SERPINA4: variants seen among roughly 807,000 people sequenced by gnomAD.
SERPINA4 encodes the protein kallistatin.
SERPINA4 carries 24 observed loss-of-function variants against 25.4 expected under a neutral mutation model. The observed-to-expected ratio is 0.95, with a 90% confidence interval of 0.69 to 1.33. SERPINA4 has a LOEUF of 1.33. Ranked by LOEUF, SERPINA4 falls within the 40% of genes most tolerant of loss-of-function variation. The probability of loss-of-function intolerance (pLI) is 0.00; values close to 1 mark genes in which losing one functional copy is unlikely to be tolerated. For missense variants in SERPINA4, 553 were observed against 535.8 expected (o/e 1.03, Z -0.32); for synonymous variants, 242 against 223.6 (o/e 1.08, Z -0.73).
In SERPINA4 at chr14:94,568,401, G is replaced by T. The variant is rs1902287816; in HGVS notation, c.1083+113G>T. 3 of 1,132,150 alleles carry T rather than the reference G, an allele frequency of 2.6e-6. No individual in the cohort carries two copies. In the Admixed American group the frequency reaches 6.8e-5, roughly 26 times the overall value. The allele number at this position is 1,132,150 out of a possible 1,614,324, so 70.1% of individuals were successfully genotyped here. A position where few individuals can be genotyped will look rare whatever the true frequency, so the allele number is the denominator to read the frequency against. ...ACATGGAGTCTCAGAGCCTGAGTGT[G>T]TTCAGTCATCTACAGGCATCAGCAT... On this transcript the variant is annotated intron_variant, in intron 4 of 4. Transcript: ENST00000557004.
At chr14:94,565,586 A>C (rs781387087) in intron 2 of SERPINA4, among the ~76,000 whole-genome samples, 3 of 152,072 alleles carry the variant, frequency 2.0e-5, no homozygotes, top group Non-Finnish European at 4.4e-5. Flanking sequence ...AGTGGCTCAC[A>C]CCTGTAATTC....
Position 94,568,279 on chromosome 14 carries a change from G to A in SERPINA4, c.1074G>A (p.Glu358=), listed in dbSNP as rs370918987. 5.6e-6 allele frequency: 9 copies of A among 1,614,176 alleles called. No homozygotes were observed. The East Asian group carries it at 8.9e-5, about 16-fold the overall frequency. Reference sequence around the variant, plus strand: ...GCATCACCAAACAGCAAAAACTGGAGGCATCCAAAGTAAGTCGTCAACAGT... The same window carrying A: ...GCATCACCAAACAGCAAAAACTGGAAGCATCCAAAGTAAGTCGTCAACAGT... ...LSGITKQQKL[E]ASKSFHKATL... The change falls in exon 4 of 5, where the codon GAG becomes GAA. Residue 358 remains glutamate, a synonymous_variant. Transcript: ENST00000557004.
At chr14:94,563,150 C>A (rs188241793) in intron 1 of SERPINA4, among the ~76,000 whole-genome samples, 1 of 152,252 alleles carries the variant, frequency 6.6e-6, no homozygotes, top group Non-Finnish European at 1.5e-5. Context: ...GGGTGAGTCA[C>A]TTTGGGAGTC....
Position 94,563,778 on chromosome 14 carries a change from G to T in SERPINA4, c.296G>T (p.Ser99Ile), listed in dbSNP as rs1344873980. ...LSLGACSHSR[S>I]QILEGLGFNL... ...CTGGGGGCCTGCTCACACAGCCGCA[G>T]CCAGATCCTTGAGGGCCTGGGCTTC... The change falls in exon 2 of 5, where the codon AGC (serine) becomes ATC (isoleucine). Residue 99 changes from serine (S) to isoleucine (I), a missense_variant. Ser to Ile is a moderately radical substitution (Grantham distance 142). Coordinates refer to ENST00000557004, the MANE Select transcript of SERPINA4 (RefSeq NM_006215.4). 6.2e-7 allele frequency: 1 copy of T among 1,614,030 alleles called. No homozygotes were observed. Among genetic ancestry groups the T allele is most frequent in the Non-Finnish European group, 8.5e-7 (1 of 1,180,056 alleles).
At chr14:94,568,501 A>G (rs1902290261) in intron 4 of SERPINA4, among the ~76,000 whole-genome samples, 1 of 152,146 alleles carries the variant, frequency 6.6e-6, no homozygotes, top group Admixed American at 6.5e-5. Flanking sequence ...GCCCTCAGAG[A>G]GCTCTCCCAG....
Position 94,568,131 on chromosome 14 carries a change from A to G in SERPINA4, c.926A>G (p.Asn309Ser). The change falls in exon 4 of 5, where the codon AAT (asparagine) becomes AGT (serine). Residue 309 changes from asparagine (N) to serine (S), a missense_variant and splice_region_variant. Coordinates refer to ENST00000557004, the MANE Select transcript of SERPINA4 (RefSeq NM_006215.4). ...MRWNNLLRKRNFYKKLELHLP... is the reference protein window; with the variant it reads ...MRWNNLLRKRSFYKKLELHLP... ...TTCTAACTCAATGCCCCTTTCAGGA[A>G]TTTTTACAAGAAGCTAGAGTTGCAT... The G allele has an allele frequency of 6.2e-7, 1 of 1,614,150 alleles. No homozygotes were observed. The highest frequency in any genetic ancestry group is 8.5e-7 in the Non-Finnish European group (1 of 1,180,020).
chr14:94,567,680 G>C (rs1902263325), intron 3 of SERPINA4, among the ~76,000 whole-genome samples: 1 of 152,170 alleles, frequency 6.6e-6, no homozygotes, highest in African/African-American at 2.4e-5. Flanking sequence ...ATTGGAAAAA[G>C]TCTTCAACCA....
At chr14:94,566,943 T>A (rs767430230) in intron 2 of SERPINA4, 27 bp from the exon 3 acceptor site, 24 of 1,599,946 alleles carry the variant, frequency 1.5e-5, no homozygotes, top group Non-Finnish European at 2.0e-5. Flanking sequence ...GCAGATGTCC[T>A]GTACCTTCTT....
intron 2 of SERPINA4, among the ~76,000 whole-genome samples, chr14:94,564,767 C>T (rs1902149678): frequency 6.6e-6 from 1 of 152,144 alleles, no homozygotes; most frequent in African/African-American, 2.4e-5. Flanking sequence ...TTTGTTGACC[C>T]CTGACCATTT....
At chr14:94,561,709 G>T (rs765559943) in intron 1 of SERPINA4, 25 of 1,289,618 alleles carry the variant, frequency 1.9e-5, no homozygotes, top group Middle Eastern at 4.4e-4. Flanking sequence ...GGCACTGGTG[G>T]GTGACTATGC....
intron 1 of SERPINA4, 130 bp downstream of exon 1, chr14:94,561,624 A>C: frequency 7.9e-7 from 1 of 1,269,050 alleles, no homozygotes; most frequent in Non-Finnish European, 1.0e-6. Flanking sequence ...AGTCCCAGGC[A>C]AGCTGGGACA....
intron 3 of SERPINA4, 57 bp from the exon 4 acceptor site, chr14:94,568,072 C>A: frequency 6.3e-7 from 1 of 1,585,874 alleles, no homozygotes; most frequent in Non-Finnish European, 8.6e-7. Flanking sequence ...GGGCTCTGCC[C>A]AGCAGGGATC....
chr14:94,562,724 T>C (rs1031849910), intron 1 of SERPINA4, among the ~76,000 whole-genome samples: 1 of 152,206 alleles, frequency 6.6e-6, no homozygotes, highest in African/African-American at 2.4e-5. Context: ...AACCGGATAC[T>C]GGTGGGACCA....
Position 94,568,148 on chromosome 14 carries a change from G to A in SERPINA4, c.943G>A (p.Glu315Lys), listed in dbSNP as rs1331517661. The A allele has an allele frequency of 6.2e-7, 1 of 1,614,194 alleles. No individual in the cohort carries two copies. Among genetic ancestry groups the A allele is most frequent in the Non-Finnish European group, 8.5e-7 (1 of 1,180,032 alleles). The change falls in exon 4 of 5, where the codon GAG (glutamate) becomes AAG (lysine). Residue 315 changes from glutamate to lysine, a missense_variant. Glu to Lys is a moderately conservative substitution (Grantham distance 56, BLOSUM62 1). Coordinates refer to ENST00000557004, the MANE Select transcript of SERPINA4 (RefSeq NM_006215.4). ...TTTCAGGAATTTTTACAAGAAGCTA[G>A]AGTTGCATCTTCCCAAGTTCTCCAT... ...LRKRNFYKKLELHLPKFSISG... is the reference protein window; with the variant it reads ...LRKRNFYKKLKLHLPKFSISG...
intron 2 of SERPINA4, among the ~76,000 whole-genome samples, chr14:94,566,241 G>C (rs1042496038): frequency 3.2e-4 from 49 of 152,340 alleles, no homozygotes; most frequent in Admixed American, 2.7e-3. Context: ...GCACCCAGCA[G>C]CTGAATGTGG....
intron 1 of SERPINA4, 25 bp from the exon 2 acceptor site, chr14:94,563,441 C>T (rs1902087246): frequency 6.4e-7 from 1 of 1,570,572 alleles, no homozygotes; most frequent in Admixed American, 1.7e-5. Context: ...GGGGAATTTC[C>T]TGGGCATTCT....
chr14:94,564,382 A>T (rs922291550), intron 2 of SERPINA4, among the ~76,000 whole-genome samples: 2 of 152,234 alleles, frequency 1.3e-5, no homozygotes, highest in Non-Finnish European at 2.9e-5. Flanking sequence ...CATTATAGCC[A>T]GTGATCATTA....
In SERPINA4 at chr14:94,563,954, G is replaced by A. The variant is rs769083828; in HGVS notation, c.472G>A (p.Asp158Asn). 4.3e-6 allele frequency: 7 copies of A among 1,614,174 alleles called. No individual in the cohort carries two copies. In the Admixed American group the frequency reaches 1.0e-4, roughly 23 times the overall value. ...GAAGTTCCTTGCAAAATTCCTGAAT[G>A]ACACCATGGCCGTCTATGAGGCTAA... is the stretch of plus-strand genomic sequence containing the variant. ...NLKFLAKFLN[D>N]TMAVYEAKLF... Residue 158 changes from aspartate to asparagine, a missense_variant, in exon 2 of 5, where the codon GAC becomes AAC. By Grantham distance (23) the Asp-to-Asn change is conservative. Transcript: ENST00000557004.
Position 94,569,503 on chromosome 14 carries a change from C to T in SERPINA4, c.1192C>T (p.Arg398Ter), listed in dbSNP as rs767258699. The stretch of plus-strand genomic sequence containing the variant: ...TGCCCAGACCAATCGCCACATCCTG[C>T]GATTCAACCGGCCCTTCCTTGTGGT... ...FSAQTNRHIL[R>*]FNRPFLVVIF... The change falls in exon 5 of 5, where the codon CGA becomes TGA. Residue 398 changes from arginine (R) to a stop codon, truncating the protein, a stop_gained. Coordinates refer to ENST00000557004, the MANE Select transcript of SERPINA4 (RefSeq NM_006215.4). LOFTEE classifies it low-confidence loss of function (END_TRUNC). 1.1e-4 allele frequency: 178 copies of T among 1,614,104 alleles called. No individual in the cohort carries two copies. Among genetic ancestry groups the T allele is most frequent in the Middle Eastern group, 3.3e-4 (2 of 6,084 alleles).
Sources: gnomAD v4.1 joint callset for allele counts (sites outside exome capture counted in the v4.1 genomes callset) on GRCh38, gnomAD v4.1.1 for gene constraint, MANE v1.5 for transcripts, NCBI Gene and HGNC (gene_info 2026-07-23, HGNC 2026-07-21) for gene names.